DENND1A: variants seen among roughly 807,000 people sequenced by gnomAD.
DENND1A encodes DENN domain containing 1A, also known as DENN domain-containing protein 1A.
In DENND1A, 51 loss-of-function variants were observed where a neutral mutation model predicts 113.7. The ratio of observed to expected loss-of-function variants is 0.45; its 90% confidence interval spans 0.36 to 0.57. DENND1A has a LOEUF of 0.57. Ranked by LOEUF, DENND1A falls within the 20% of genes least tolerant of loss-of-function variation. DENND1A has a pLI of 0.00. For synonymous variants in DENND1A, 565 were observed against 570.8 expected (o/e 0.99, Z 0.14); for missense variants, 1,258 against 1,395.9 (o/e 0.90, Z 1.57).
At chr9:123,581,058 G>A (rs1346508807) in intron 12 of DENND1A, among the ~76,000 whole-genome samples, 2 of 151,866 alleles carry the variant, frequency 1.3e-5, no homozygotes, top group African/African-American at 2.4e-5. Context: ...CATCCTAAAC[G>A]CAGAAGACAC....
In DENND1A at chr9:123,705,507, A is replaced by G. The variant is rs185075466; in HGVS notation, c.303-28718T>C. ...GCAAAAGATCAATATTCAGAAATCA[A>G]TTGAGTTTCTAAACAACACGAGAAC... is the stretch of plus-strand genomic sequence containing the variant. On this transcript the variant is annotated intron_variant, in intron 5 of 23. Transcript: ENST00000394215. 1.6e-4 allele frequency among the ~76,000 whole-genome samples: 24 copies of G among 152,326 alleles called. No individual in the cohort carries two copies. In the East Asian group the frequency reaches 4.2e-3, roughly 27 times the overall value.
intron 9 of DENND1A, among the ~76,000 whole-genome samples, chr9:123,651,001 C>T (rs1015894465): frequency 9.3e-5 from 14 of 149,908 alleles, no homozygotes; most frequent in African/African-American, 3.4e-4. Context: ...GATACAATGT[C>T]ACTAGTAGAA....
chr9:123,468,775 T>A (rs750014081), intron 13 of DENND1A, among the ~76,000 whole-genome samples: 3 of 152,200 alleles, frequency 2.0e-5, no homozygotes, highest in Non-Finnish European at 2.9e-5. Flanking sequence ...CAGGCTTAGA[T>A]GACAATGACT....
chr9:123,912,166 A>T (rs759048639), intron 1 of DENND1A, among the ~76,000 whole-genome samples: 1 of 152,220 alleles, frequency 6.6e-6, no homozygotes, highest in Non-Finnish European at 1.5e-5. Context: ...ATGATATAAC[A>T]GCAAAAAATT....
In DENND1A at chr9:123,382,205, G is replaced by A; in HGVS notation, c.2440C>T (p.Leu814=). The change falls in exon 24 of 24, where the codon CTG becomes TTG. Residue 814 remains leucine (L), a synonymous_variant. Coordinates refer to ENST00000394215, the MANE Select transcript of DENND1A (RefSeq NM_001352964.2). ...DRRAALSPGL[L]PGVVPQGPTE... The stretch of plus-strand genomic sequence containing the variant: ...GGGCCTTGGGGGACAACACCAGGCA[G>A]GAGCCCTGGACTCAGGGCAGCTCGC... 6.2e-7 allele frequency: 1 copy of A among 1,609,844 alleles called. No homozygotes were observed. Among genetic ancestry groups the A allele is most frequent in the East Asian group, 2.2e-5 (1 of 44,838 alleles).
chr9:123,383,399 C>T lies in DENND1A; in HGVS notation c.2019+256G>A, dbSNP rs371639773. ...GAGGAGAGTGGCTGGCAGCACCCGC[C>T]CCCCCGTCTGATGCACACACAGAGT... On this transcript the variant is annotated intron_variant, in intron 23 of 23. Coordinates refer to ENST00000394215, the MANE Select transcript of DENND1A (RefSeq NM_001352964.2). Among the ~76,000 whole-genome samples the T allele has an allele frequency of 1.6e-4, 24 of 152,264 alleles. No homozygotes were observed. In the East Asian group the frequency reaches 1.9e-3, roughly 12 times the overall value.
chr9:123,826,104 G>C (rs1235265452), intron 2 of DENND1A, among the ~76,000 whole-genome samples: 2 of 152,174 alleles, frequency 1.3e-5, no homozygotes, highest in Non-Finnish European at 2.9e-5. Context: ...TGAGATTTCT[G>C]GGGTCCTTTT....
At chr9:123,726,783 T>C (rs1254328613) in intron 5 of DENND1A, among the ~76,000 whole-genome samples, 2 of 152,200 alleles carry the variant, frequency 1.3e-5, no homozygotes, top group African/African-American at 4.8e-5. Flanking sequence ...ACCTATAATG[T>C]CTATAGAACT....
intron 13 of DENND1A, among the ~76,000 whole-genome samples, chr9:123,496,515 C>T (rs6478619): frequency 0.032 from 4,854 of 152,180 alleles, 269 homozygotes; most frequent in African/African-American, 0.11. Flanking sequence ...ATACCCAAAG[C>T]GAGACTCCCC....
In DENND1A at chr9:123,381,563, G is replaced by A. The variant is rs773709278; in HGVS notation, c.3082C>T (p.Pro1028Ser). 9 of 1,613,736 alleles carry A rather than the reference G, an allele frequency of 5.6e-6. No individual in the cohort carries two copies. In the Middle Eastern group the frequency reaches 6.6e-4, roughly 118 times the overall value. ...TCAAAGGGGTCTCTGGCCTGTTGAGGAGCAGAGGGCTGCAGTGTTGGCTCC... is the reference window on the plus strand; with the variant it reads ...TCAAAGGGGTCTCTGGCCTGTTGAGAAGCAGAGGGCTGCAGTGTTGGCTCC... ...GLEPTLQPSA[P>S]QQARDPFEDL... is the part of the protein sequence containing the mutation. The change falls in exon 24 of 24, where the codon CCT becomes TCT. Residue 1028 changes from proline to serine, a missense_variant. Pro to Ser is a moderately conservative substitution (Grantham distance 74). Coordinates refer to ENST00000394215, the MANE Select transcript of DENND1A (RefSeq NM_001352964.2). This position sits in a 1 kb window ranked among gnomAD's most constrained non-coding sequence, Gnocchi z 4.7.
intron 13 of DENND1A, among the ~76,000 whole-genome samples, chr9:123,498,646 G>A (rs1309512140): frequency 6.6e-6 from 1 of 152,120 alleles, no homozygotes; most frequent in Admixed American, 6.5e-5. Context: ...TGGGGGCCAG[G>A]GCTTTGGGGT....
At chr9:123,796,848 G>GT (rs1410662434) in intron 2 of DENND1A, among the ~76,000 whole-genome samples, 1 of 151,820 alleles carries the variant, frequency 6.6e-6, no homozygotes, top group African/African-American at 2.4e-5. Context: ...CATTTAAAGA[G>GT]TCAAGGCATG....
rs1239968522 is a variant in DENND1A, at chr9:123,422,150, T to C, written c.1489-10321A>G. Reference sequence around the variant, plus strand: ...CACATCTGGCTCCTGGCACAAGGCCTGGCACGCGGTCAAGTTAAAGTAAAT... The same window carrying C: ...CACATCTGGCTCCTGGCACAAGGCCCGGCACGCGGTCAAGTTAAAGTAAAT... On this transcript the variant is annotated intron_variant, in intron 19 of 23. Transcript: ENST00000394215. This position sits in a 1 kb window ranked among gnomAD's most constrained non-coding sequence, Gnocchi z 4.8. 6.6e-6 allele frequency among the ~76,000 whole-genome samples: 1 copy of C among 152,230 alleles called. No individual in the cohort carries two copies. Among genetic ancestry groups the C allele is most frequent in the African/African-American group, 2.4e-5 (1 of 41,466 alleles).
intron 5 of DENND1A, among the ~76,000 whole-genome samples, chr9:123,716,636 G>A (rs934784912): frequency 2.0e-5 from 3 of 152,138 alleles, no homozygotes; most frequent in Non-Finnish European, 4.4e-5. Flanking sequence ...ATCATGGTAC[G>A]GCTGGCTCCT....
chr9:123,715,922 C>T (rs1488416145), intron 5 of DENND1A, among the ~76,000 whole-genome samples: 3 of 152,082 alleles, frequency 2.0e-5, no homozygotes, highest in Non-Finnish European at 4.4e-5. Context: ...GCGATCCCCC[C>T]ACCTCAGCCT....
At chr9:123,660,520 G>C (rs1056666887) in intron 8 of DENND1A, among the ~76,000 whole-genome samples, 2 of 151,010 alleles carry the variant, frequency 1.3e-5, no homozygotes, top group African/African-American at 4.9e-5. Context: ...GAATTTCCAA[G>C]TACCTTAAAA....
At chr9:123,785,680 CATTCACAAATACTGAT>C (rs1832042903) in intron 3 of DENND1A, among the ~76,000 whole-genome samples, 1 of 152,184 alleles carries the variant, frequency 6.6e-6, no homozygotes, top group African/African-American at 2.4e-5. Context: ...CATTTGGTGG[CATTCACAAATACTGAT>C]ATCCACTTCA....
Position 123,382,038 on chromosome 9 carries a change from G to A in DENND1A, c.2607C>T (p.Ala869=). 1 of 1,491,274 alleles carries A rather than the reference G, an allele frequency of 6.7e-7. No individual in the cohort carries two copies. The highest frequency in any genetic ancestry group is 1.4e-5 in the South Asian group (1 of 71,200). The allele number at this position is 1,491,274 out of a possible 1,614,324, so 92.4% of individuals were successfully genotyped here. A position where few individuals can be genotyped will look rare whatever the true frequency, so the allele number is the denominator to read the frequency against. The change falls in exon 24 of 24, where the codon GCC becomes GCT. Residue 869 remains alanine (A), a synonymous_variant. Transcript: ENST00000394215. ...AGCTGAATTGGGGGGTGAATGGGGT[G>A]GCTACATTCGGGGTGGCGGGGCGTG... ...LPSRPATPNV[A]TPFTPQFSFP...
chr9:123,809,938 G>A (rs1836264362), intron 2 of DENND1A, among the ~76,000 whole-genome samples: 1 of 152,162 alleles, frequency 6.6e-6, no homozygotes, highest in South Asian at 2.1e-4. Flanking sequence ...GCCTCCCAAA[G>A]TGCTGGGATT....
Sources: gnomAD v4.1 joint callset for allele counts (sites outside exome capture counted in the v4.1 genomes callset) on GRCh38, gnomAD v4.1.1 for gene constraint, Gnocchi (gnomAD v3.1) non-coding constraint, MANE v1.5 for transcripts, NCBI Gene and HGNC (gene_info 2026-07-23, HGNC 2026-07-21) for gene names.